GRIPAP1: variants seen among roughly 807,000 people sequenced by gnomAD.
GRIPAP1 encodes GRIP1 associated protein 1, also known as GRIP1-associated protein 1.
In GRIPAP1, 14 loss-of-function variants were observed where a neutral mutation model predicts 84.1. The ratio of observed to expected loss-of-function variants is 0.17; its 90% CI spans 0.11 to 0.26. The LOEUF (loss-of-function observed/expected upper bound fraction) is 0.26. GRIPAP1 is among the 10% of genes least tolerant of loss of function. The pLI, the probability that GRIPAP1 is intolerant of heterozygous loss-of-function variation, is 1.00. For synonymous variants in GRIPAP1, 261 were observed against 256.8 expected, an observed-to-expected ratio of 1.02 and a Z score of -0.15; for missense variants, 518 against 674.2, an observed-to-expected ratio of 0.77 and a Z score of 2.57.
At position 48,983,401 on chromosome X, in the gene GRIPAP1, T is replaced by C; in HGVS notation, c.1312A>G (p.Met438Val). The C allele has an allele frequency of 8.3e-7, 1 of 1,211,365 alleles. No individual in the cohort carries two copies. ...KRKAMLDELAMETLQEKSQHK... is the reference protein window; with the variant it reads ...KRKAMLDELAVETLQEKSQHK... ...TGGGACTTCTCTTGCAGCGTTTCCATTGCTAGCTCATCCAGCATGGCCTTC... is the reference window on the plus strand; with the variant it reads ...TGGGACTTCTCTTGCAGCGTTTCCACTGCTAGCTCATCCAGCATGGCCTTC... Residue 438 changes from methionine to valine, a missense_variant, in exon 16 of 26, where the codon ATG becomes GTG. Around this residue, in one of 5 missense-constraint regions of GRIPAP1, gnomAD observed 372 missense variants for 458.1 expected, o/e 0.81. Coordinates refer to ENST00000376423, the MANE Select transcript of GRIPAP1 (RefSeq NM_020137.5).
chrX:48,982,855 C>T, intron 17 of GRIPAP1, 124 bp downstream of exon 17: 1 of 492,826 alleles, frequency 2.0e-6, no homozygotes. Context: ...AGCCAGGGGA[C>T]TGTGGGGATA....
chrX:48,980,827 G>C (rs1346811798), intron 21 of GRIPAP1: 71 of 154,436 alleles, frequency 4.6e-4, no homozygotes, highest in South Asian at 2.6e-3. Flanking sequence ...AGGTTGCGGT[G>C]AGCCGAGATC....
At chrX:48,992,724 A>C (rs1259172424) in intron 6 of GRIPAP1, among the ~76,000 whole-genome samples, 1 of 110,309 alleles carries the variant, frequency 9.1e-6, no homozygotes, top group Non-Finnish European at 1.9e-5. Flanking sequence ...ATGCTCCCAC[A>C]CTCTATCAAG....
intron 11 of GRIPAP1, 71 bp downstream of exon 11, chrX:48,989,540 G>A (rs1045669681): frequency 1.5e-6 from 1 of 685,462 alleles, no homozygotes; most frequent in Admixed American, 2.7e-5. Context: ...CAGCCTCCAT[G>A]GACCTCAGAC....
At chrX:48,987,908 G>T in intron 12 of GRIPAP1, 31 bp from the exon 13 acceptor site, 1 of 1,023,344 alleles carries the variant, frequency 9.8e-7, no homozygotes, top group Non-Finnish European at 1.4e-6. Context: ...GGTGAGAGTG[G>T]GTCCAGAACA....
intron 16 of GRIPAP1, 42 bp from the exon 17 acceptor site, chrX:48,983,134 G>A (rs2064466825): frequency 2.7e-6 from 3 of 1,118,409 alleles, no homozygotes; most frequent in African/African-American, 3.6e-5. Context: ...AGGCAGAGGA[G>A]CGGGCACCTG....
rs782364038 is a variant in GRIPAP1 at position 48,981,804 on chromosome X, G to A, written c.1668C>T (p.Ala556=). The A allele has an allele frequency of 3.4e-5, 40 of 1,176,341 alleles. No homozygotes were observed. The highest frequency in any genetic ancestry group is 5.3e-5 in the African/African-American group (3 of 56,507). Residue 556 remains alanine (A), a synonymous_variant, in exon 18 of 26, where the codon GCC becomes GCT. Coordinates refer to ENST00000376423, the MANE Select transcript of GRIPAP1 (RefSeq NM_020137.5). The part of the protein sequence containing the change: ...ALKQCREQHA[A]ELKGKEEELQ... Reference sequence around the variant, plus strand: ...ATCATGCGAGAGGCACCTTCAGCTCGGCAGCGTGCTGCTCCCGACACTGCT... The same window carrying A: ...ATCATGCGAGAGGCACCTTCAGCTCAGCAGCGTGCTGCTCCCGACACTGCT...
intron 13 of GRIPAP1, 84 bp from the exon 14 acceptor site, chrX:48,985,486 A>C (rs2064482133): frequency 8.5e-6 from 7 of 828,070 alleles, no homozygotes; most frequent in Non-Finnish European, 1.2e-5. Context: ...AGTTCCAGGG[A>C]AACAGGGAGG....
At position 48,986,243 on chromosome X, in the gene GRIPAP1, C is replaced by CAA. The variant is rs782307501; in HGVS notation, c.1042-843_1042-842dup. On this transcript the variant is annotated intron_variant, in intron 13 of 25. Coordinates refer to ENST00000376423, the MANE Select transcript of GRIPAP1 (RefSeq NM_020137.5). ...GACAACAAGACCGAAACTCCGTCTA[C>CAA]AAAAAAAAAAAAAAGCAGAGATAGG... Among the ~76,000 whole-genome samples the CAA allele has an allele frequency of 2.3e-3, 187 of 81,885 alleles. 2 individuals carry two copies. In the East Asian group the frequency reaches 0.037, roughly 16 times the overall value. 71.1% of individuals were successfully genotyped at this position (81,885 alleles called of 115,157 possible). A position where few individuals can be genotyped will look rare whatever the true frequency, so the allele number is the denominator to read the frequency against.
chrX:49,000,996 C>G (rs1341513823), intron 1 of GRIPAP1: 16 of 103,505 alleles, frequency 1.5e-4, no homozygotes, highest in African/African-American at 5.6e-4. Flanking sequence ...CCCCCCGAGA[C>G]TTGCCCCCCA....
At chrX:48,996,394 T>C (rs1479058417) in intron 5 of GRIPAP1, among the ~76,000 whole-genome samples, 2 of 112,261 alleles carry the variant, frequency 1.8e-5, no homozygotes, top group Admixed American at 9.4e-5. Context: ...TCACCTGAAG[T>C]CGGGAGTTCA....
At chrX:48,990,341 G>A (rs1359211442) in intron 8 of GRIPAP1, among the ~76,000 whole-genome samples, 1 of 112,197 alleles carries the variant, frequency 8.9e-6, no homozygotes, top group Admixed American at 9.4e-5. Context: ...TGGGAGGCCT[G>A]GAAAGCAGGA....
chrX:48,983,742 C>A (rs376391500), intron 15 of GRIPAP1, 33 bp downstream of exon 15: 2 of 857,494 alleles, frequency 2.3e-6, no homozygotes, highest in Admixed American at 4.4e-5. Context: ...TCCTACCCCC[C>A]ATCCTCTCCC....
chrX:48,975,043 G>T, intron 25 of GRIPAP1, 112 bp downstream of exon 25: 1 of 619,271 alleles, frequency 1.6e-6, no homozygotes, highest in South Asian at 2.9e-5. Flanking sequence ...GGATAGCTGG[G>T]AGGACAGGCT....
chrX:48,978,446 G>A lies in GRIPAP1; in HGVS notation c.1931-11C>T. 1 of 1,184,269 alleles carries A rather than the reference G, an allele frequency of 8.4e-7. No individual in the cohort carries two copies. On this transcript the variant is annotated splice_polypyrimidine_tract_variant and intron_variant, in intron 21 of 25. Coordinates refer to ENST00000376423, the MANE Select transcript of GRIPAP1 (RefSeq NM_020137.5). The stretch of plus-strand genomic sequence containing the variant: ...CCAGCTCCTCAAGGCCTGGGTGGTG[G>A]AGGGAAGAGAAACTTGAGCCCCAAT...
At chrX:48,995,533 T>A (rs2064542737) in intron 5 of GRIPAP1, among the ~76,000 whole-genome samples, 1 of 111,376 alleles carries the variant, frequency 9.0e-6, no homozygotes, top group Admixed American at 9.5e-5. Flanking sequence ...GAGGCGGCTG[T>A]AGAAACAGCA....
At chrX:49,000,431 C>T (rs150597549) in intron 1 of GRIPAP1, 1,306 of 101,659 alleles carry the variant, frequency 0.013, 10 homozygotes, top group Non-Finnish European at 0.019. Flanking sequence ...TGGCTGACAC[C>T]TGTAATCCAA....
At chrX:49,001,376 C>A (rs1178222781) in intron 1 of GRIPAP1, among the ~76,000 whole-genome samples, 5 of 96,331 alleles carry the variant, frequency 5.2e-5, no homozygotes, top group Admixed American at 1.1e-4. Flanking sequence ...CAGTGAGGAA[C>A]CCTCTCAACA....
intron 11 of GRIPAP1, 52 bp downstream of exon 11, chrX:48,989,559 G>T: frequency 1.2e-6 from 1 of 814,036 alleles, no homozygotes; most frequent in Non-Finnish European, 1.8e-6. Flanking sequence ...ACCTCTCCAG[G>T]CTCCCAGTCC....
Sources: allele counts gnomAD v4.1 joint callset (sites outside exome capture counted in the v4.1 genomes callset), GRCh38; gene constraint gnomAD v4.1.1; regional missense constraint gnomAD v4.1.1; transcripts MANE v1.5; gene names NCBI Gene and HGNC (gene_info 2026-07-23, HGNC 2026-07-21).